The following RERE variants were observed in gnomAD, a reference collection of about 807,000 sequenced individuals.
The protein encoded by RERE is arginine-glutamic acid dipeptide repeats protein.
Under a neutral mutation model 146.1 loss-of-function variants are expected in RERE, and 40 were observed. The ratio of observed to expected loss-of-function variants is 0.27; its 90% CI spans 0.21 to 0.36. RERE has a LOEUF of 0.36. Ranked by LOEUF, RERE falls within the 10% of genes least tolerant of loss-of-function variation. The probability of loss-of-function intolerance (pLI) is 1.00; values close to 1 mark genes in which losing one functional copy is unlikely to be tolerated. For missense variants in RERE, 1,933 were observed against 2,138.7 expected, an observed-to-expected ratio of 0.90 and a Z score of 1.90; for synonymous variants, 1,003 against 866.0, an observed-to-expected ratio of 1.16 and a Z score of -2.78.
At chr1:8,370,739 GGAAT>G (rs1333801920) in intron 12 of RERE, among the ~76,000 whole-genome samples, 2 of 152,192 alleles carry the variant, frequency 1.3e-5, no homozygotes, top group African/African-American at 4.8e-5. Context: ...GGCCTCGCCA[GGAAT>G]GAAGTCAATT....
chr1:8,363,762 C>T, intron 15 of RERE: 1 of 453,044 alleles, frequency 2.2e-6, no homozygotes, highest in Non-Finnish European at 4.0e-6. Context: ...GAAGTGACAC[C>T]ACAAGCAGCA....
intron 12 of RERE, among the ~76,000 whole-genome samples, chr1:8,391,254 C>T (rs111782191): frequency 0.011 from 1,742 of 152,288 alleles, 30 homozygotes; most frequent in African/African-American, 0.04. Flanking sequence ...ATGGTATTTC[C>T]AAGTTGTACA....
intron 1 of RERE, among the ~76,000 whole-genome samples, chr1:8,796,361 G>A (rs537673351): frequency 3.3e-5 from 5 of 152,262 alleles, no homozygotes; most frequent in African/African-American, 1.2e-4. Flanking sequence ...ACTGACCCAA[G>A]TGTCAGTCAG....
intron 11 of RERE, among the ~76,000 whole-genome samples, chr1:8,455,236 T>G (rs867767330): frequency 2.0e-5 from 3 of 152,036 alleles, no homozygotes; most frequent in African/African-American, 7.3e-5. Flanking sequence ...GATTCCTTTT[T>G]TTATTATTAT....
At chr1:8,716,200 T>C (rs1257462186) in intron 1 of RERE, among the ~76,000 whole-genome samples, 1 of 149,074 alleles carries the variant, frequency 6.7e-6, no homozygotes, top group Non-Finnish European at 1.5e-5. Flanking sequence ...TGGTGGCTCA[T>C]GCCTATAATT....
chr1:8,362,005 T>C (rs978607659), intron 16 of RERE, 129 bp from the exon 17 acceptor site: 12 of 650,716 alleles, frequency 1.8e-5, no homozygotes, highest in Non-Finnish European at 2.7e-5. Flanking sequence ...AGCAAAAAGC[T>C]CTAGAAGGGT....
At chr1:8,431,783 C>T in intron 11 of RERE, among the ~76,000 whole-genome samples, 1 of 152,194 alleles carries the variant, frequency 6.6e-6, no homozygotes, top group Non-Finnish European at 1.5e-5. Context: ...ATGGGCCTAG[C>T]ACCTCAAATC....
chr1:8,797,858 T>C (rs1420564039), intron 1 of RERE, among the ~76,000 whole-genome samples: 1 of 152,216 alleles, frequency 6.6e-6, no homozygotes. Context: ...ACTTTCTCAT[T>C]TCAAATTTGG....
At chr1:8,607,534 C>CTTTTTTCTT (rs1646733411) in intron 4 of RERE, among the ~76,000 whole-genome samples, 1 of 48,584 alleles carries the variant, frequency 2.1e-5, no homozygotes, top group African/African-American at 8.6e-5. Context: ...ATATATATTT[C>CTTTTTTCTT]TTTTTTTTTT....
At chr1:8,639,088 A>AAAATTTG (rs1647141816) in intron 2 of RERE, among the ~76,000 whole-genome samples, 1 of 152,148 alleles carries the variant, frequency 6.6e-6, no homozygotes, top group Non-Finnish European at 1.5e-5. Context: ...AAATTTTTGA[A>AAAATTTG]GTCTATAGCC....
chr1:8,360,301 G>C lies in RERE; in HGVS notation c.3206C>G (p.Pro1069Arg), dbSNP rs538073056. The part of the protein sequence containing the change: ...PAGPGTSAQP[P>R]CSGAAASGGS... ...TCCTGAAGCCGCCGCACCAGAGCAG[G>C]GTGGCTGGGCCGAGGTGCCAGGTCC... Residue 1069 changes from proline (P) to arginine (R), a missense_variant, in exon 18 of 23, where the codon CCC becomes CGC. Physicochemically the swap from Pro to Arg is moderately radical, Grantham distance 103 (BLOSUM62 -2). This residue lies in a region of RERE where 1,255 missense variants were observed against 1,153.8 expected (regional missense o/e 1.09). Transcript: ENST00000400908. 6 of 1,548,954 alleles carry C rather than the reference G, an allele frequency of 3.9e-6. No homozygotes were observed. The East Asian group carries it at 7.2e-5, about 19-fold the overall frequency.
chr1:8,495,936 A>G (rs972220904), intron 9 of RERE, among the ~76,000 whole-genome samples: 1 of 152,128 alleles, frequency 6.6e-6, no homozygotes, highest in Non-Finnish European at 1.5e-5. Context: ...GCACTCTGGG[A>G]GCCTGACGCC....
At chr1:8,753,499 G>A (rs547292860) in intron 1 of RERE, 24 of 151,912 alleles carry the variant, frequency 1.6e-4, no homozygotes, top group Middle Eastern at 6.8e-3. Context: ...TCTATTTGAC[G>A]GATTTTAAAA....
intron 1 of RERE, among the ~76,000 whole-genome samples, chr1:8,682,675 A>G (rs1638997921): frequency 6.6e-6 from 1 of 152,198 alleles, no homozygotes; most frequent in African/African-American, 2.4e-5. Context: ...TAATTCACGA[A>G]CTTCTCTATA....
chr1:8,392,431 CATCTATCTATCTAGAT>C (rs1488258257), intron 12 of RERE, among the ~76,000 whole-genome samples: 1 of 152,190 alleles, frequency 6.6e-6, no homozygotes, highest in Non-Finnish European at 1.5e-5. Flanking sequence ...TCTGTCTATC[CATCTATCTATCTAGAT>C]AAAAACAAAC....
chr1:8,451,256 C>A (rs932364801), intron 11 of RERE, among the ~76,000 whole-genome samples: 2 of 152,118 alleles, frequency 1.3e-5, no homozygotes, highest in African/African-American at 4.8e-5. Context: ...CATGGCGAAA[C>A]CCCGTCTCTA....
At chr1:8,664,183 T>A (rs985771762) in intron 1 of RERE, among the ~76,000 whole-genome samples, 1 of 152,144 alleles carries the variant, frequency 6.6e-6, no homozygotes, top group African/African-American at 2.4e-5. Context: ...ATTTTCCTCA[T>A]CATTATTTGA....
rs1641580786 is a variant in RERE at position 8,361,507 on chromosome 1, G to A, written c.2017-17C>T. The A allele has an allele frequency of 6.2e-7, 1 of 1,607,242 alleles. No individual in the cohort carries two copies. Among genetic ancestry groups the A allele is most frequent in the Non-Finnish European group, 8.5e-7 (1 of 1,179,874 alleles). ...GCTGATCTCCTGGAGTCAGAGAAGG[G>A]AAGGATGGAAGTCCCAGGAGGGCAG... On this transcript the variant is annotated splice_polypyrimidine_tract_variant and intron_variant, in intron 17 of 22. Transcript: ENST00000400908.
At chr1:8,400,222 A>ATGTGTGTGTGTGTGTGTGTG (rs1553161719) in intron 12 of RERE, among the ~76,000 whole-genome samples, 19 of 140,060 alleles carry the variant, frequency 1.4e-4, no homozygotes, top group Middle Eastern at 3.4e-3. Context: ...CCTGTGTCAT[A>ATGTGTGTGTGTGTGTGTGTG]TGTGTGTGTG....
Sources: allele counts gnomAD v4.1 joint callset (sites outside exome capture counted in the v4.1 genomes callset), GRCh38; gene constraint gnomAD v4.1.1; regional missense constraint gnomAD v4.1.1; transcripts MANE v1.5; gene names NCBI Gene and HGNC (gene_info 2026-07-23, HGNC 2026-07-21).